The following ANKRD30A variants were observed in gnomAD, a reference collection of about 807,000 sequenced individuals.
The protein encoded by ANKRD30A is ankyrin repeat domain 30A.
ANKRD30A carries 170 observed loss-of-function variants against 166.3 expected under a neutral mutation model. The ratio of observed to expected loss-of-function variants is 1.02; its 90% CI spans 0.90 to 1.16. The LOEUF (loss-of-function observed/expected upper bound fraction) is 1.16. ANKRD30A is among the 50% of genes most tolerant of loss of function. The probability of loss-of-function intolerance (pLI) is 0.00; values close to 1 mark genes in which losing one functional copy is unlikely to be tolerated. For missense variants in ANKRD30A, 1,630 were observed against 1,518.0 expected, an observed-to-expected ratio of 1.07 and a Z score of -1.23; for synonymous variants, 564 against 508.9, an observed-to-expected ratio of 1.11 and a Z score of -1.46.
intron 31 of ANKRD30A, among the ~76,000 whole-genome samples, chr10:37,211,623 T>A (rs1842323939): frequency 6.6e-6 from 1 of 151,974 alleles, no homozygotes; most frequent in Non-Finnish European, 1.5e-5. Flanking sequence ...TAGCAGCATG[T>A]TTTATAATCC....
At chr10:37,126,037 C>G (rs1447542855) in intron 1 of ANKRD30A, 29 bp downstream of exon 1, 1 of 1,606,526 alleles carries the variant, frequency 6.2e-7, no homozygotes, top group South Asian at 1.1e-5. Context: ...GCCGGGGCTG[C>G]AGGAGGAGGT....
chr10:37,162,601 C>T (rs772183963), intron 15 of ANKRD30A, 48 bp from the exon 16 acceptor site: 3 of 1,605,764 alleles, frequency 1.9e-6, no homozygotes, highest in African/African-American at 2.7e-5. Context: ...TTGTGGTTGG[C>T]TTGTCATATT....
chr10:37,125,894 C>G lies in ANKRD30A; in HGVS notation c.107C>G (p.Ser36Cys). The change falls in exon 1 of 36, where the codon TCT becomes TGT. Residue 36 changes from serine to cysteine, a missense_variant. Ser to Cys is a moderately radical substitution (Grantham distance 112). Around this residue, in one of 4 missense-constraint regions of ANKRD30A, gnomAD observed 904 missense variants for 818.5 expected, o/e 1.10. Coordinates refer to ENST00000361713, the MANE Select transcript of ANKRD30A (RefSeq NM_052997.3). ...YTSNDSYIVH[S>C]GDLRKIHKAA... ...AGCAACGACTCCTACATCGTCCACT[C>G]TGGGGATCTTAGAAAGATCCATAAA... 6.4e-7 allele frequency: 1 copy of G among 1,573,944 alleles called. No individual in the cohort carries two copies. Among genetic ancestry groups the G allele is most frequent in the Non-Finnish European group, 8.7e-7 (1 of 1,146,054 alleles).
chr10:37,238,633 A>G, the ANKRD30A span, among the ~76,000 whole-genome samples: 1 of 152,228 alleles, frequency 6.6e-6, no homozygotes, highest in Non-Finnish European at 1.5e-5. Context: ...TTATCTAAAA[A>G]TATTCATAAA....
At chr10:37,158,491 GT>G in intron 14 of ANKRD30A, 22 bp from the exon 15 acceptor site, 1 of 1,613,258 alleles carries the variant, frequency 6.2e-7, no homozygotes, top group South Asian at 1.1e-5. Context: ...TATATTAATT[GT>G]TTTGTTTCCA....
At chr10:37,166,770 T>A in intron 19 of ANKRD30A, 75 bp downstream of exon 19, 1 of 1,580,156 alleles carries the variant, frequency 6.3e-7, no homozygotes, top group Non-Finnish European at 8.5e-7. Context: ...TATCCTCTAG[T>A]AGCTGAAGAA....
At chr10:37,162,042 G>A (rs946626920) in intron 15 of ANKRD30A, among the ~76,000 whole-genome samples, 1 of 151,600 alleles carries the variant, frequency 6.6e-6, no homozygotes, top group African/African-American at 2.4e-5. Context: ...TTTCCATGAT[G>A]AGTTTTACAC....
At chr10:37,161,386 A>G (rs896925885) in intron 15 of ANKRD30A, among the ~76,000 whole-genome samples, 3 of 152,232 alleles carry the variant, frequency 2.0e-5, no homozygotes, top group Non-Finnish European at 2.9e-5. Flanking sequence ...GAAGTGTTGA[A>G]CAAATAAATT....
the ANKRD30A span, among the ~76,000 whole-genome samples, chr10:37,244,122 C>T: frequency 6.6e-6 from 1 of 152,158 alleles, no homozygotes; most frequent in South Asian, 2.1e-4. Context: ...TTCAGGTTTG[C>T]AGATGGCAGG....
chr10:37,131,920 A>C (rs1221866713), intron 3 of ANKRD30A, among the ~76,000 whole-genome samples: 2 of 152,214 alleles, frequency 1.3e-5, no homozygotes, highest in African/African-American at 4.8e-5. Context: ...ATTTACTACT[A>C]TGTCTTAGGG....
At chr10:37,258,890 G>C in the ANKRD30A span, among the ~76,000 whole-genome samples, 2 of 145,410 alleles carry the variant, frequency 1.4e-5, no homozygotes, top group East Asian at 2.2e-4. Flanking sequence ...TTGAACTCGG[G>C]ATGAGGAGGT....
intron 34 of ANKRD30A, among the ~76,000 whole-genome samples, chr10:37,221,288 A>G (rs1379778797): frequency 6.6e-6 from 1 of 151,202 alleles, no homozygotes; most frequent in Non-Finnish European, 1.5e-5. Flanking sequence ...ATTTGATAAG[A>G]TGATTTACAA....
chr10:37,231,679 C>G lies in ANKRD30A; in HGVS notation c.*210C>G, dbSNP rs561686212. 2.7e-6 allele frequency: 1 copy of G among 364,256 alleles called. No homozygotes were observed. The highest frequency in any genetic ancestry group is 2.1e-5 in the African/African-American group (1 of 47,270). 22.6% of individuals were successfully genotyped at this position (364,256 alleles called of 1,614,324 possible). Reference sequence around the variant, plus strand: ...AACAGTGTGAAGAATTACTTGTTCACGGTTAGTTATATTATCTGTCTTCCT... The same window carrying G: ...AACAGTGTGAAGAATTACTTGTTCAGGGTTAGTTATATTATCTGTCTTCCT... On this transcript the variant is annotated splice_region_variant and 3_prime_UTR_variant, in exon 35 of 36. Coordinates refer to ENST00000361713, the MANE Select transcript of ANKRD30A (RefSeq NM_052997.3).
At position 37,149,775 on chromosome 10, in the gene ANKRD30A, A is replaced by G; in HGVS notation, c.1573-2A>G. On this transcript the variant is annotated splice_acceptor_variant, in intron 10 of 35. Coordinates refer to ENST00000361713, the MANE Select transcript of ANKRD30A (RefSeq NM_052997.3). LOFTEE classifies it high-confidence loss of function. ...AATCATTTTGCTTCCAACCCCATTT[A>G]GCCTGCCATTGAAATGCAAAACTCT... 2 of 1,613,006 alleles carry G rather than the reference A, an allele frequency of 1.2e-6. No individual in the cohort carries two copies. The highest frequency in any genetic ancestry group is 1.7e-6 in the Non-Finnish European group (2 of 1,179,200).
intron 1 of ANKRD30A, among the ~76,000 whole-genome samples, chr10:37,126,809 C>A (rs1836048990): frequency 6.6e-6 from 1 of 151,944 alleles, no homozygotes; most frequent in African/African-American, 2.4e-5. Flanking sequence ...ACACTTTGGG[C>A]TGCGGAGGCA....
rs527928334 is a variant in ANKRD30A, at chr10:37,166,612, G to C, written c.2072G>C (p.Cys691Ser). 4.4e-6 allele frequency: 7 copies of C among 1,592,026 alleles called. No individual in the cohort carries two copies. The highest frequency in any genetic ancestry group is 6.0e-6 in the Non-Finnish European group (7 of 1,169,234). Residue 691 changes from cysteine (C) to serine (S), a missense_variant, in exon 19 of 36, where the codon TGT becomes TCT. Physicochemically the swap from Cys to Ser is moderately radical, Grantham distance 112. This residue lies in a region of ANKRD30A where 12 missense variants were observed against 27.4 expected (regional missense o/e 0.44). Coordinates refer to ENST00000361713, the MANE Select transcript of ANKRD30A (RefSeq NM_052997.3). Reference protein sequence around the residue: ...EENSWDTESLCETVSQKDVCL... With the variant: ...EENSWDTESLSETVSQKDVCL... ...TGCTATTACTTTTAACAGAGTCTCTGTGAGACTGTTTCACAGAAGGATGTG... is the reference window on the plus strand; with the variant it reads ...TGCTATTACTTTTAACAGAGTCTCTCTGAGACTGTTTCACAGAAGGATGTG...
chr10:37,191,939 G>C (rs946315794), intron 25 of ANKRD30A, among the ~76,000 whole-genome samples: 3 of 152,042 alleles, frequency 2.0e-5, no homozygotes, highest in African/African-American at 7.3e-5. Context: ...AGCTTGTGGT[G>C]AGCCGATATT....
At chr10:37,224,615 C>T (rs1037825584) in intron 34 of ANKRD30A, among the ~76,000 whole-genome samples, 1 of 151,268 alleles carries the variant, frequency 6.6e-6, no homozygotes, top group African/African-American at 2.4e-5. Flanking sequence ...CCTTTGAAGC[C>T]CCCAAGACGG....
intron 31 of ANKRD30A, among the ~76,000 whole-genome samples, chr10:37,207,496 A>G (rs1213847167): frequency 6.6e-6 from 1 of 151,392 alleles, no homozygotes; most frequent in Non-Finnish European, 1.5e-5. Context: ...TTTAAACTCA[A>G]TGTTTTTGTT....
Sources: gnomAD v4.1 joint callset for allele counts (sites outside exome capture counted in the v4.1 genomes callset) on GRCh38, gnomAD v4.1.1 for gene constraint, gnomAD v4.1.1 regional missense constraint, MANE v1.5 for transcripts, NCBI Gene and HGNC (gene_info 2026-07-23, HGNC 2026-07-21) for gene names.